The following CCDC14 variants were observed in gnomAD, a reference collection of about 807,000 sequenced individuals.
CCDC14 encodes the protein coiled-coil domain-containing protein 14.
Under a neutral mutation model 81.4 loss-of-function variants are expected in CCDC14, and 71 were observed. That is an observed-to-expected ratio of 0.87 (90% CI 0.72 to 1.06). The LOEUF is 1.06. CCDC14 is among the 50% of genes least tolerant of loss of function. CCDC14 has a pLI of 0.00. For synonymous variants in CCDC14, 332 were observed against 364.8 expected, an observed-to-expected ratio of 0.91 and a Z score of 1.03; for missense variants, 1,046 against 1,047.3, an observed-to-expected ratio of 1.00 and a Z score of 0.02.
intron 9 of CCDC14, among the ~76,000 whole-genome samples, chr3:123,938,771 C>T (rs933381667): frequency 2.6e-5 from 4 of 151,814 alleles, no homozygotes; most frequent in African/African-American, 9.7e-5. Context: ...AAATATTATG[C>T]ATTGAATTTA....
chr3:123,902,392 G>C (rs1217093665), intron 5 of CCDC14, among the ~76,000 whole-genome samples: 1 of 152,176 alleles, frequency 6.6e-6, no homozygotes, highest in Non-Finnish European at 1.5e-5. Flanking sequence ...ATCACGAAGA[G>C]GGAGACAACC....
chr3:123,961,228 A>G lies in CCDC14; in HGVS notation c.-55T>C. ...AGGGAAGTGAAGCCTCACGGTAAAA[A>G]GAATTAACCGCCGTGGGCTCCCGGA... On this transcript the variant is annotated 5_prime_UTR_variant, in exon 1 of 13. Coordinates refer to ENST00000409697, the MANE Select transcript of CCDC14 (RefSeq NM_001366335.1). 1 of 1,551,258 alleles carries G rather than the reference A, an allele frequency of 6.4e-7. No homozygotes were observed. The highest frequency in any genetic ancestry group is 8.7e-7 in the Non-Finnish European group (1 of 1,146,712).
At chr3:123,948,225 C>T (rs1377440165) in intron 7 of CCDC14, among the ~76,000 whole-genome samples, 1 of 144,624 alleles carries the variant, frequency 6.9e-6, no homozygotes, top group Non-Finnish European at 1.5e-5. Context: ...ATAGGTAAAA[C>T]TTTTCTTTCT....
At position 123,931,518 on chromosome 3, in the gene CCDC14, G is replaced by A. The variant is rs1216911200; in HGVS notation, c.1435C>T (p.Leu479Phe). The change falls in exon 11 of 13, where the codon CTT becomes TTT. Residue 479 changes from leucine (L) to phenylalanine (F), a missense_variant. Physicochemically the swap from Leu to Phe is conservative, Grantham distance 22. Transcript: ENST00000409697. The stretch of plus-strand genomic sequence containing the variant: ...TGCAGTGACATATTCAATGACTGAA[G>A]AGAAAACACTGTTAAGACAAAATGG... ...AVDCNLELFS[L>F]QSLNMSLQNQ... 2.0e-6 allele frequency: 3 copies of A among 1,536,058 alleles called. No individual in the cohort carries two copies. Among genetic ancestry groups the A allele is most frequent in the Non-Finnish European group, 1.8e-6 (2 of 1,139,276 alleles).
intron 5 of CCDC14, chr3:123,954,588 GTATAA>G (rs1009119058): frequency 7.2e-5 from 11 of 151,918 alleles, no homozygotes; most frequent in Admixed American, 7.2e-4. Flanking sequence ...ACATTTCAGT[GTATAA>G]TATAAATAAC....
At chr3:123,909,628 T>C (rs1312318303), downstream of CCDC14, among the ~76,000 whole-genome samples, 1 of 152,212 alleles carries the variant, frequency 6.6e-6, no homozygotes, top group Non-Finnish European at 1.5e-5. Context: ...CACACATACA[T>C]ACACATAGAC....
chr3:123,939,445 CT>C (rs34550609), intron 9 of CCDC14, among the ~76,000 whole-genome samples: 59,358 of 129,218 alleles, frequency 0.46, 14,527 homozygotes, highest in Non-Finnish European at 0.59. Context: ...TGACACAGAT[CT>C]TTTTTTTTTT....
chr3:123,947,451 A>G (rs1559798555), intron 7 of CCDC14, 132 bp from the exon 8 acceptor site: 2 of 639,626 alleles, frequency 3.1e-6, no homozygotes, highest in Non-Finnish European at 5.1e-6. Context: ...TGAATATTTA[A>G]TAAGTAGTTA....
intron 12 of CCDC14, among the ~76,000 whole-genome samples, chr3:123,922,064 A>G (rs1165252083): frequency 4.6e-5 from 7 of 152,242 alleles, no homozygotes; most frequent in Non-Finnish European, 1.0e-4. Flanking sequence ...CTAGGAATCA[A>G]TAACGAGAAA....
rs141506353 is a variant in CCDC14 at position 123,928,264 on chromosome 3, G to A, written c.1778+2838C>T. Among the ~76,000 whole-genome samples the A allele has an allele frequency of 1.4e-4, 21 of 150,446 alleles. No individual in the cohort carries two copies. The East Asian group carries it at 3.9e-3, about 28-fold the overall frequency. ...GGTAATCCCAGCACTTTGGGAGGCT[G>A]AGGCTGGTGGATCATGAAGTCAGGA... On this transcript the variant is annotated intron_variant, in intron 12 of 12. Coordinates refer to ENST00000409697, the MANE Select transcript of CCDC14 (RefSeq NM_001366335.1).
downstream of CCDC14, among the ~76,000 whole-genome samples, chr3:123,912,652 A>G (rs1559758660): frequency 1.3e-5 from 2 of 151,904 alleles, no homozygotes; most frequent in Non-Finnish European, 2.9e-5. Context: ...CCCTCCTCTA[A>G]TCCTTCCTAT....
the CCDC14 span, among the ~76,000 whole-genome samples, chr3:123,887,727 T>A: frequency 2.0e-5 from 3 of 152,236 alleles, no homozygotes; most frequent in African/African-American, 7.2e-5. Flanking sequence ...AAACAGTGTG[T>A]ATTTCTTTCA....
At chr3:123,930,175 C>T (rs1003804728) in intron 12 of CCDC14, among the ~76,000 whole-genome samples, 1 of 152,068 alleles carries the variant, frequency 6.6e-6, no homozygotes, top group Non-Finnish European at 1.5e-5. Context: ...TCCATGTGAA[C>T]AGATCATTAA....
intron 12 of CCDC14, among the ~76,000 whole-genome samples, chr3:123,922,421 A>T (rs1266131551): frequency 6.6e-6 from 1 of 152,160 alleles, no homozygotes; most frequent in Non-Finnish European, 1.5e-5. Context: ...AAAATTCAGC[A>T]AAACTGAGTT....
Position 123,915,270 on chromosome 3 carries a change from ATTTCT to A in CCDC14, c.2222_2226del (p.Lys741IlefsTer5). On this transcript the variant is annotated frameshift_variant, in exon 13 of 13. Coordinates refer to ENST00000409697, the MANE Select transcript of CCDC14 (RefSeq NM_001366335.1). LOFTEE classifies it low-confidence loss of function (END_TRUNC). ...GGGGATAGTCTCTTAGAAAGTGGTGATTTCTTTTCAGGAGTGCTTCTAGCAAAAGG... is the reference window on the plus strand; with the variant it reads ...GGGGATAGTCTCTTAGAAAGTGGTGATTTCAGGAGTGCTTCTAGCAAAAGG... 6.2e-7 allele frequency: 1 copy of A among 1,613,892 alleles called. No individual in the cohort carries two copies. Among genetic ancestry groups the A allele is most frequent in the Non-Finnish European group, 8.5e-7 (1 of 1,179,874 alleles).
intron 12 of CCDC14, among the ~76,000 whole-genome samples, chr3:123,917,079 G>A (rs1259419765): frequency 2.0e-5 from 3 of 151,564 alleles, no homozygotes; most frequent in East Asian, 2.0e-4. Flanking sequence ...TCCTGACCTC[G>A]TGATCCACCC....
rs1048336991 is a variant in CCDC14, at chr3:123,913,764, C to T, written c.*1015G>A. On this transcript the variant is annotated 3_prime_UTR_variant, in exon 13 of 13. Transcript: ENST00000409697. ...TTTAATGATAAAGCCTGTCCAAGTACTAAGGACAATTAGAGTAGGCAGGTG... is the reference window on the plus strand; with the variant it reads ...TTTAATGATAAAGCCTGTCCAAGTATTAAGGACAATTAGAGTAGGCAGGTG... 5.1e-6 allele frequency: 5 copies of T among 984,278 alleles called. No individual in the cohort carries two copies. Among genetic ancestry groups the T allele is most frequent in the Non-Finnish European group, 6.0e-6 (5 of 829,750 alleles). The allele number at this position is 984,278 out of a possible 1,614,324, so 61.0% of individuals were successfully genotyped here. A position where few individuals can be genotyped will look rare whatever the true frequency, so the allele number is the denominator to read the frequency against.
At chr3:123,943,899 T>C (rs547505924) in intron 9 of CCDC14, among the ~76,000 whole-genome samples, 1 of 152,270 alleles carries the variant, frequency 6.6e-6, no homozygotes, top group East Asian at 1.9e-4. Context: ...AATAAAGTGG[T>C]AAACTAAGTG....
chr3:123,913,677 A>G lies in CCDC14; in HGVS notation c.*1102T>C, dbSNP rs1376451020. ...ACGCTGTAGCACTAACACCTAAAAA[A>G]AAAAAAAAAACCACCAAAAAAACAA... is the stretch of plus-strand genomic sequence containing the variant. On this transcript the variant is annotated 3_prime_UTR_variant, in exon 13 of 13. Transcript: ENST00000409697. 1.3e-5 allele frequency: 13 copies of G among 983,806 alleles called. No homozygotes were observed. Among genetic ancestry groups the G allele is most frequent in the Non-Finnish European group, 1.6e-5 (13 of 829,054 alleles). The allele number at this position is 983,806 out of a possible 1,614,324, so 60.9% of individuals were successfully genotyped here. A position where few individuals can be genotyped will look rare whatever the true frequency, so the allele number is the denominator to read the frequency against.
Sources: gnomAD v4.1 joint callset for allele counts (sites outside exome capture counted in the v4.1 genomes callset) on GRCh38, gnomAD v4.1.1 for gene constraint, MANE v1.5 for transcripts, NCBI Gene and HGNC (gene_info 2026-07-23, HGNC 2026-07-21) for gene names.